The following TYW1B variants were observed in gnomAD, a reference collection of about 807,000 sequenced individuals.
TYW1B encodes tRNA-yW synthesizing protein 1 homolog B.
A neutral mutation model predicts 86.9 loss-of-function variants in TYW1B; 73 were observed. The ratio of observed to expected loss-of-function variants is 0.84; its 90% CI spans 0.70 to 1.02. The LOEUF (loss-of-function observed/expected upper bound fraction) is 1.02. TYW1B is among the 50% of genes least tolerant of loss of function. The pLI is 0.00. For missense variants in TYW1B, 637 were observed against 827.4 expected (o/e 0.77, Z 2.82); for synonymous variants, 248 against 292.8 (o/e 0.85, Z 1.56).
At chr7:72,786,629 G>A (rs1788135293) in intron 6 of TYW1B, among the ~76,000 whole-genome samples, 1 of 142,606 alleles carries the variant, frequency 7.0e-6, no homozygotes, top group Admixed American at 7.3e-5. Flanking sequence ...AGGCTGGAGT[G>A]CAGTGGCGTG....
At chr7:72,638,848 C>A (rs2844153) in intron 11 of TYW1B, among the ~76,000 whole-genome samples, 1 of 152,072 alleles carries the variant, frequency 6.6e-6, no homozygotes, top group Admixed American at 6.6e-5. Flanking sequence ...AGTATTCTTG[C>A]CAAAAACTGA....
intron 9 of TYW1B, among the ~76,000 whole-genome samples, chr7:72,727,831 A>AAAAAAG (rs1554237443): frequency 8.6e-5 from 9 of 104,242 alleles, no homozygotes; most frequent in South Asian, 6.4e-4. Context: ...AAAAAAAAAA[A>AAAAAAG]AAGAAGAAAG....
At chr7:72,579,608 G>A (rs1210170605) in intron 13 of TYW1B, among the ~76,000 whole-genome samples, 4 of 152,064 alleles carry the variant, frequency 2.6e-5, no homozygotes, top group African/African-American at 4.8e-5. Context: ...ACATGTACAC[G>A]GAAAGTGAGT....
At chr7:72,575,801 A>C (rs1261859740) in intron 13 of TYW1B, 82 bp from the exon 14 acceptor site, 2 of 1,559,934 alleles carry the variant, frequency 1.3e-6, no homozygotes, top group Admixed American at 2.0e-5. Context: ...ATCATGAACA[A>C]GTCTGATCTT....
intron 2 of TYW1B, among the ~76,000 whole-genome samples, chr7:72,820,563 G>A (rs1788809468): frequency 6.6e-6 from 1 of 152,168 alleles, no homozygotes; most frequent in Admixed American, 6.6e-5. Flanking sequence ...TCCTGGCAGA[G>A]TAGAAGTGAA....
intron 2 of TYW1B, among the ~76,000 whole-genome samples, chr7:72,824,492 G>A (rs1165393595): frequency 1.3e-5 from 2 of 152,062 alleles, no homozygotes; most frequent in East Asian, 3.9e-4. Flanking sequence ...TGTAATCCCA[G>A]CACTTTAGGA....
chr7:72,813,507 G>T (rs1478245196), intron 3 of TYW1B, among the ~76,000 whole-genome samples: 2 of 152,144 alleles, frequency 1.3e-5, no homozygotes, highest in Non-Finnish European at 2.9e-5. Flanking sequence ...ACCTGCGTCA[G>T]CATCACCAGG....
chr7:72,606,607 G>GA (rs1554434894), intron 13 of TYW1B, among the ~76,000 whole-genome samples: 29 of 56,858 alleles, frequency 5.1e-4, no homozygotes, highest in Admixed American at 9.6e-4. Context: ...CAGCAATAAG[G>GA]CCCCCCCCCC....
chr7:72,780,375 C>G (rs1788030821), intron 6 of TYW1B, among the ~76,000 whole-genome samples: 1 of 152,162 alleles, frequency 6.6e-6, no homozygotes, highest in Non-Finnish European at 1.5e-5. Flanking sequence ...CTCTATAATT[C>G]CTCTACAAAT....
chr7:72,704,327 G>A (rs1476702087), intron 10 of TYW1B, among the ~76,000 whole-genome samples: 7 of 151,344 alleles, frequency 4.6e-5, no homozygotes, highest in African/African-American at 7.3e-5. Context: ...CCAGATACTC[G>A]GGAGGCTGAG....
intron 9 of TYW1B, among the ~76,000 whole-genome samples, chr7:72,715,543 A>C (rs1786763682): frequency 6.6e-6 from 1 of 152,102 alleles, no homozygotes; most frequent in South Asian, 2.1e-4. Flanking sequence ...TATCCTAAGA[A>C]CACATGAACA....
At chr7:72,728,158 C>T (rs1376365868) in intron 9 of TYW1B, among the ~76,000 whole-genome samples, 4 of 152,078 alleles carry the variant, frequency 2.6e-5, no homozygotes, top group African/African-American at 9.7e-5. Flanking sequence ...TTAAGACTTT[C>T]CACTAACCTA....
chr7:72,812,962 G>C (rs1459445373), intron 3 of TYW1B, among the ~76,000 whole-genome samples: 2 of 151,974 alleles, frequency 1.3e-5, no homozygotes, highest in East Asian at 3.9e-4. Context: ...AACTTGCTGG[G>C]ATTATATAGG....
intron 7 of TYW1B, among the ~76,000 whole-genome samples, chr7:72,769,766 A>C (rs1787834477): frequency 6.6e-6 from 1 of 152,218 alleles, no homozygotes; most frequent in Admixed American, 6.5e-5. Flanking sequence ...TAAACAGCCA[A>C]TACGCACAAC....
chr7:72,717,640 G>A (rs1428787405), intron 9 of TYW1B, among the ~76,000 whole-genome samples: 1 of 129,182 alleles, frequency 7.7e-6, no homozygotes, highest in Non-Finnish European at 1.6e-5. Flanking sequence ...TGTCAGCTGT[G>A]CTTGACACAC....
chr7:72,661,096 C>T (rs1463439857), intron 11 of TYW1B, among the ~76,000 whole-genome samples: 2 of 150,702 alleles, frequency 1.3e-5, no homozygotes, highest in Non-Finnish European at 2.9e-5. Context: ...GATCTCGCCA[C>T]TACACTTCAG....
Position 72,728,946 on chromosome 7 carries a change from C to T in TYW1B, c.1083-15G>A, listed in dbSNP as rs782671659. The T allele has an allele frequency of 5.6e-6, 9 of 1,610,740 alleles. No individual in the cohort carries two copies. Among genetic ancestry groups the T allele is most frequent in the African/African-American group, 1.3e-5 (1 of 74,818 alleles). On this transcript the variant is annotated splice_polypyrimidine_tract_variant and intron_variant, in intron 8 of 13. Coordinates refer to ENST00000620995, the MANE Select transcript of TYW1B (RefSeq NM_001145440.3). The stretch of plus-strand genomic sequence containing the variant: ...TGTTGTGGTGCCTAGGAACAAGACG[C>T]AAAGTTCTAAAAGACCCTTCTGTAA...
At chr7:72,678,971 G>A (rs552478188) in intron 11 of TYW1B, among the ~76,000 whole-genome samples, 2 of 152,212 alleles carry the variant, frequency 1.3e-5, no homozygotes, top group East Asian at 1.9e-4. Context: ...GCATGGTGGT[G>A]CATGGCTGTA....
chr7:72,739,226 A>G (rs1246691335), intron 8 of TYW1B, among the ~76,000 whole-genome samples: 1 of 151,860 alleles, frequency 6.6e-6, no homozygotes, highest in Non-Finnish European at 1.5e-5. Context: ...GATTATCCAT[A>G]TGATGATAAA....
Sources: gnomAD v4.1 joint callset for allele counts (sites outside exome capture counted in the v4.1 genomes callset) on GRCh38, gnomAD v4.1.1 for gene constraint, MANE v1.5 for transcripts, NCBI Gene and HGNC (gene_info 2026-07-23, HGNC 2026-07-21) for gene names.